The following MAF variants were observed in gnomAD, a reference collection of about 807,000 sequenced individuals.
MAF encodes transcription factor Maf.
In MAF, 10 loss-of-function variants were observed where a neutral mutation model predicts 22.0. The ratio of observed to expected loss-of-function variants is 0.45; its 90% CI spans 0.28 to 0.77. The LOEUF is 0.77. MAF is among the 30% of genes least tolerant of loss of function. The pLI, the probability that MAF is intolerant of heterozygous loss-of-function variation, is 0.12. For synonymous variants in MAF, 337 were observed against 255.8 expected, an observed-to-expected ratio of 1.32 and a Z score of -3.03; for missense variants, 544 against 548.4, an observed-to-expected ratio of 0.99 and a Z score of 0.08.
chr16:79,394,226 A>G, the MAF span, among the ~76,000 whole-genome samples: 1 of 152,338 alleles, frequency 6.6e-6, no homozygotes, highest in East Asian at 1.9e-4. Context: ...CTTTAGGTCT[A>G]AATTCAGTCT....
At chr16:79,538,802 G>A in the MAF span, among the ~76,000 whole-genome samples, 1 of 149,644 alleles carries the variant, frequency 6.7e-6, no homozygotes, top group Non-Finnish European at 1.5e-5. Flanking sequence ...CTACAGCCTG[G>A]GTGACAGAGC....
the MAF span, among the ~76,000 whole-genome samples, chr16:79,235,597 T>A: frequency 2.4e-3 from 361 of 152,078 alleles, 2 homozygotes; most frequent in African/African-American, 8.2e-3. Context: ...CCATTCTCAC[T>A]ATGGGTCTTG....
chr16:79,587,849 T>C (rs1912942104), intron 1 of MAF, among the ~76,000 whole-genome samples: 1 of 124,386 alleles, frequency 8.0e-6, no homozygotes, highest in East Asian at 2.9e-4. Context: ...CACCCTGTTA[T>C]CAAAGCATTT....
the MAF span, among the ~76,000 whole-genome samples, chr16:79,342,923 C>T: frequency 6.6e-6 from 1 of 152,114 alleles, no homozygotes; most frequent in Admixed American, 6.5e-5. Flanking sequence ...AAATTGCTCT[C>T]CTTACCATTA....
chr16:79,317,596 ATTCTTACTTAT>A, the MAF span, among the ~76,000 whole-genome samples: 1 of 151,088 alleles, frequency 6.6e-6, no homozygotes, highest in Non-Finnish European at 1.5e-5. Flanking sequence ...TCTACCACAA[ATTCTTACTTAT>A]TCCAGGCACC....
the MAF span, among the ~76,000 whole-genome samples, chr16:79,341,727 A>G: frequency 6.6e-6 from 1 of 152,140 alleles, no homozygotes; most frequent in Admixed American, 6.5e-5. Context: ...GTGGATTGCA[A>G]GGTTGAAGGA....
the MAF span, among the ~76,000 whole-genome samples, chr16:79,347,584 A>G: frequency 6.6e-6 from 1 of 152,146 alleles, no homozygotes; most frequent in African/African-American, 2.4e-5. Flanking sequence ...GCATGCACCG[A>G]GCGGGGAACA....
At chr16:79,357,253 C>A in the MAF span, among the ~76,000 whole-genome samples, 178 of 146,082 alleles carry the variant, frequency 1.2e-3, 2 homozygotes, top group Middle Eastern at 0.014. Flanking sequence ...AAGACTCTGT[C>A]ACAACAACAA....
At chr16:79,360,545 A>G in the MAF span, among the ~76,000 whole-genome samples, 1 of 152,158 alleles carries the variant, frequency 6.6e-6, no homozygotes, top group Non-Finnish European at 1.5e-5. Flanking sequence ...ATTCAATGAG[A>G]TCTGTGGATA....
At chr16:79,466,573 C>A in the MAF span, among the ~76,000 whole-genome samples, 1 of 152,184 alleles carries the variant, frequency 6.6e-6, no homozygotes, top group East Asian at 1.9e-4. Flanking sequence ...AGGTTGGCAC[C>A]TTCAGCTGCA....
the MAF span, among the ~76,000 whole-genome samples, chr16:79,570,338 T>C: frequency 6.6e-6 from 1 of 151,572 alleles, no homozygotes; most frequent in Admixed American, 6.6e-5. Flanking sequence ...GCCTATCTTC[T>C]CCCCAGTCTT....
the MAF span, chr16:79,206,806 C>A: frequency 2.0e-5 from 3 of 151,980 alleles, no homozygotes; most frequent in Non-Finnish European, 4.4e-5. Context: ...GGTCACCTAG[C>A]CAGGGAGGCC....
At chr16:79,570,011 C>CTTTTTTTT in the MAF span, among the ~76,000 whole-genome samples, 1 of 116,960 alleles carries the variant, frequency 8.5e-6, no homozygotes, top group Non-Finnish European at 1.8e-5. Flanking sequence ...TGTCTTTGTT[C>CTTTTTTTT]TTTTTTTTTT....
At chr16:79,313,931 C>T in the MAF span, among the ~76,000 whole-genome samples, 4 of 152,288 alleles carry the variant, frequency 2.6e-5, 1 homozygote, top group South Asian at 4.1e-4. Context: ...CTAGCACCTA[C>T]GTTCACAGGA....
At chr16:79,518,657 T>C in the MAF span, among the ~76,000 whole-genome samples, 13 of 152,226 alleles carry the variant, frequency 8.5e-5, no homozygotes, top group Non-Finnish European at 1.0e-4. Flanking sequence ...ATCGTGAGGA[T>C]AAAGTTAATA....
At chr16:79,538,043 A>T in the MAF span, among the ~76,000 whole-genome samples, 6 of 152,356 alleles carry the variant, frequency 3.9e-5, no homozygotes, top group African/African-American at 1.2e-4. Flanking sequence ...CAGAGTGCAG[A>T]GTGTGAAATC....
At chr16:79,337,451 C>T in the MAF span, among the ~76,000 whole-genome samples, 2 of 152,174 alleles carry the variant, frequency 1.3e-5, no homozygotes, top group African/African-American at 4.8e-5. Context: ...ACCTCTAGTC[C>T]CAGCTACTCA....
At chr16:79,215,015 A>G in the MAF span, among the ~76,000 whole-genome samples, 1 of 152,042 alleles carries the variant, frequency 6.6e-6, no homozygotes, top group South Asian at 2.1e-4. Flanking sequence ...TGGCTATTAC[A>G]TCTGATTTCT....
At chr16:79,272,046 G>C in the MAF span, among the ~76,000 whole-genome samples, 6 of 152,274 alleles carry the variant, frequency 3.9e-5, no homozygotes, top group Non-Finnish European at 8.8e-5. Flanking sequence ...TGTTCTCCCA[G>C]CGACAGGTAC....
Sources: gnomAD v4.1 joint callset for allele counts (sites outside exome capture counted in the v4.1 genomes callset) on GRCh38, gnomAD v4.1.1 for gene constraint, MANE v1.5 for transcripts, NCBI Gene and HGNC (gene_info 2026-07-23, HGNC 2026-07-21) for gene names.